Variants in HS6ST3 observed in about 807,000 individuals in gnomAD.
The protein encoded by HS6ST3 is heparan-sulfate 6-O-sulfotransferase 3.
A neutral mutation model predicts 36.7 loss-of-function variants in HS6ST3; 12 were observed. The observed-to-expected ratio is 0.33, with a 90% CI of 0.21 to 0.53. The LOEUF (loss-of-function observed/expected upper bound fraction) is 0.53. HS6ST3 is among the 20% of genes least tolerant of loss of function. The pLI is 0.95. For missense variants in HS6ST3, 584 were observed against 640.9 expected, an observed-to-expected ratio of 0.91 and a Z score of 0.96; for synonymous variants, 240 against 257.5, an observed-to-expected ratio of 0.93 and a Z score of 0.65.
intron 1 of HS6ST3, among the ~76,000 whole-genome samples, chr13:96,446,172 C>CAA (rs200986173): frequency 2.0e-5 from 2 of 97,838 alleles, no homozygotes; most frequent in Non-Finnish European, 4.5e-5. Flanking sequence ...GACTCCATCT[C>CAA]AAAAAAAAAA....
intron 1 of HS6ST3, among the ~76,000 whole-genome samples, chr13:96,255,761 C>G (rs2054634121): frequency 6.6e-6 from 1 of 152,168 alleles, no homozygotes; most frequent in South Asian, 2.1e-4. Flanking sequence ...ATGAACAGCT[C>G]TAGTGATTTC....
Position 96,437,204 on chromosome 13 carries a change from C to A in HS6ST3, c.707+345635C>A, listed in dbSNP as rs57147847. ...TCAAGATGCCTCCCTGTTCTTCATG[C>A]ACATCCAGATCAGGCCCATTCTCCA... On this transcript the variant is annotated intron_variant, in intron 1 of 1. Coordinates refer to ENST00000376705, the MANE Select transcript of HS6ST3 (RefSeq NM_153456.4). 1.3e-3 allele frequency among the ~76,000 whole-genome samples: 204 copies of A among 152,320 alleles called. 1 individual carries two copies. Among genetic ancestry groups the A allele is most frequent in the African/African-American group, 4.6e-3 (193 of 41,566 alleles).
chr13:96,182,315 T>C (rs1490812210), intron 1 of HS6ST3, among the ~76,000 whole-genome samples: 3 of 152,214 alleles, frequency 2.0e-5, no homozygotes, highest in Non-Finnish European at 1.5e-5. Context: ...ATTCCAGCAG[T>C]TGCTAAAAGT....
At chr13:96,103,346 T>C (rs1039897393) in intron 1 of HS6ST3, among the ~76,000 whole-genome samples, 1 of 152,220 alleles carries the variant, frequency 6.6e-6, no homozygotes. Flanking sequence ...CTTCCTCACT[T>C]ACTCGTTCAC....
At chr13:96,669,003 AAGTACAC>A (rs1033156913) in intron 1 of HS6ST3, among the ~76,000 whole-genome samples, 1 of 152,070 alleles carries the variant, frequency 6.6e-6, no homozygotes, top group Non-Finnish European at 1.5e-5. Context: ...GTAAATTGGA[AAGTACAC>A]ATTTGCATTG....
At chr13:96,614,027 G>C (rs988036386) in intron 1 of HS6ST3, among the ~76,000 whole-genome samples, 1 of 151,998 alleles carries the variant, frequency 6.6e-6, no homozygotes, top group Non-Finnish European at 1.5e-5. Context: ...GGCCGGGCGC[G>C]GTGGCTCACC....
At chr13:96,261,558 A>G (rs1172098091) in intron 1 of HS6ST3, among the ~76,000 whole-genome samples, 1 of 152,166 alleles carries the variant, frequency 6.6e-6, no homozygotes, top group African/African-American at 2.4e-5. Flanking sequence ...AGAGGGCCAG[A>G]AGATGGCCTG....
At chr13:96,647,679 T>C (rs1287404853) in intron 1 of HS6ST3, among the ~76,000 whole-genome samples, 1 of 152,064 alleles carries the variant, frequency 6.6e-6, no homozygotes, top group African/African-American at 2.4e-5. Context: ...AAATTATTCT[T>C]ACAAAGTTGA....
intron 1 of HS6ST3, among the ~76,000 whole-genome samples, chr13:96,830,444 A>G (rs1015530263): frequency 6.6e-6 from 1 of 152,234 alleles, no homozygotes; most frequent in Non-Finnish European, 1.5e-5. Flanking sequence ...ATGACAATGC[A>G]GTGGTAATCA....
At chr13:96,766,939 T>C (rs1212766271) in intron 1 of HS6ST3, among the ~76,000 whole-genome samples, 1 of 152,272 alleles carries the variant, frequency 6.6e-6, no homozygotes, top group Admixed American at 6.5e-5. Flanking sequence ...TGAACAGAGC[T>C]AATTTATGAG....
chr13:96,229,759 G>C (rs1377702653), intron 1 of HS6ST3, among the ~76,000 whole-genome samples: 4 of 152,138 alleles, frequency 2.6e-5, no homozygotes, highest in Non-Finnish European at 5.9e-5. Context: ...AGCCTTCAAG[G>C]GGTTCACTAT....
intron 1 of HS6ST3, among the ~76,000 whole-genome samples, chr13:96,428,589 G>A (rs2055598908): frequency 6.6e-6 from 1 of 152,008 alleles, no homozygotes; most frequent in African/African-American, 2.4e-5. Flanking sequence ...TTGGATTAGG[G>A]CCCACCCCAA....
At chr13:96,808,129 C>G (rs548487912) in intron 1 of HS6ST3, among the ~76,000 whole-genome samples, 20 of 152,170 alleles carry the variant, frequency 1.3e-4, no homozygotes, top group African/African-American at 4.8e-4. Flanking sequence ...AAAGAGACCA[C>G]TGCCATACAG....
chr13:96,524,830 G>T (rs1055402570), intron 1 of HS6ST3, among the ~76,000 whole-genome samples: 1 of 152,230 alleles, frequency 6.6e-6, no homozygotes, highest in Non-Finnish European at 1.5e-5. Context: ...GCAACGCTCT[G>T]CCCTGCTTTG....
intron 1 of HS6ST3, among the ~76,000 whole-genome samples, chr13:96,721,989 G>A (rs1474474827): frequency 6.6e-6 from 1 of 152,156 alleles, no homozygotes; most frequent in East Asian, 1.9e-4. Context: ...ACATGTGGCC[G>A]GGTGCAGTGG....
At chr13:96,198,603 G>A (rs768072119) in intron 1 of HS6ST3, among the ~76,000 whole-genome samples, 1 of 152,084 alleles carries the variant, frequency 6.6e-6, no homozygotes, top group Non-Finnish European at 1.5e-5. Context: ...TAAATCTCTA[G>A]GGCAGGGGCA....
chr13:96,594,292 A>T lies in HS6ST3; in HGVS notation c.708-238198A>T, dbSNP rs560344483. Among the ~76,000 whole-genome samples, 252 of 151,880 alleles carry T rather than the reference A, an allele frequency of 1.7e-3. 2 individuals carry two copies. Among genetic ancestry groups the T allele is most frequent in the African/African-American group, 6.0e-3 (247 of 41,478 alleles). On this transcript the variant is annotated intron_variant, in intron 1 of 1. Transcript: ENST00000376705. ...GGCCAGGGTCTTTTTTTTTTAGAGA[A>T]TATAATATATTAACATTCAAGTGAG... is the stretch of plus-strand genomic sequence containing the variant.
At chr13:96,658,668 C>T (rs1051441729) in intron 1 of HS6ST3, among the ~76,000 whole-genome samples, 5 of 150,596 alleles carry the variant, frequency 3.3e-5, no homozygotes, top group East Asian at 3.9e-4. Flanking sequence ...TTTTGTATGG[C>T]GGTTATATGA....
At chr13:96,162,983 G>T (rs552493794) in intron 1 of HS6ST3, among the ~76,000 whole-genome samples, 19 of 152,118 alleles carry the variant, frequency 1.2e-4, no homozygotes, top group Admixed American at 1.1e-3. Flanking sequence ...CACGTAAGAG[G>T]TTCCCCCAAA....
Sources: allele counts gnomAD v4.1 joint callset (sites outside exome capture counted in the v4.1 genomes callset), GRCh38; gene constraint gnomAD v4.1.1; transcripts MANE v1.5; gene names NCBI Gene and HGNC (gene_info 2026-07-23, HGNC 2026-07-21).